PRKAG2: variants seen among roughly 807,000 people sequenced by gnomAD.
The protein encoded by PRKAG2 is protein kinase AMP-activated non-catalytic subunit gamma 2.
PRKAG2 carries 26 observed loss-of-function variants against 69.6 expected under a neutral mutation model. The observed-to-expected ratio is 0.37, with a 90% confidence interval of 0.27 to 0.52. The LOEUF is 0.52. Ranked by LOEUF, PRKAG2 falls within the 20% of genes least tolerant of loss-of-function variation. The pLI is 0.90. For synonymous variants in PRKAG2, 293 were observed against 285.0 expected, an observed-to-expected ratio of 1.03 and a Z score of -0.28; for missense variants, 557 against 740.0, an observed-to-expected ratio of 0.75 and a Z score of 2.87.
chr7:151,694,448 T>G (rs75440011), intron 3 of PRKAG2, among the ~76,000 whole-genome samples: 5,238 of 152,174 alleles, frequency 0.034, 330 homozygotes, highest in African/African-American at 0.12. Flanking sequence ...TAAAAATAAC[T>G]CATTTCTCCC....
intron 12 of PRKAG2, 37 bp from the exon 13 acceptor site, chr7:151,565,420 A>C: frequency 7.9e-7 from 1 of 1,268,110 alleles, no homozygotes. Context: ...AAATGTCTTA[A>C]GGGACAAAAA....
At chr7:151,806,113 C>T (rs530382822) in intron 1 of PRKAG2, among the ~76,000 whole-genome samples, 11 of 152,312 alleles carry the variant, frequency 7.2e-5, no homozygotes, top group African/African-American at 1.4e-4. Context: ...CGCTTGAACC[C>T]GGGAAGCGGA....
At chr7:151,745,073 G>T (rs2074188788) in intron 3 of PRKAG2, among the ~76,000 whole-genome samples, 1 of 152,172 alleles carries the variant, frequency 6.6e-6, no homozygotes, top group Admixed American at 6.5e-5. Context: ...TCATCAGGGG[G>T]CCATCAAGAG....
chr7:151,873,984 TGTATATGTATATGATGTATATGTATAA>T (rs1339197689), intron 1 of PRKAG2, among the ~76,000 whole-genome samples: 12 of 150,264 alleles, frequency 8.0e-5, no homozygotes, highest in African/African-American at 2.2e-4. Context: ...ATGATGTATA[TGTATATGTATATGATGTATATGTATAA>T]GTATATGTAT....
At chr7:151,741,900 T>C (rs529851077) in intron 3 of PRKAG2, among the ~76,000 whole-genome samples, 1 of 152,326 alleles carries the variant, frequency 6.6e-6, no homozygotes, top group South Asian at 2.1e-4. Context: ...TCCTGTCCTC[T>C]AAGAACCATA....
intron 4 of PRKAG2, among the ~76,000 whole-genome samples, chr7:151,671,247 T>C (rs1299684598): frequency 6.6e-6 from 1 of 151,524 alleles, no homozygotes; most frequent in Non-Finnish European, 1.5e-5. Flanking sequence ...TTCCCTATTT[T>C]AGAATAAAAT....
At chr7:151,762,172 C>A (rs1469007535) in intron 3 of PRKAG2, among the ~76,000 whole-genome samples, 1 of 152,090 alleles carries the variant, frequency 6.6e-6, no homozygotes, top group Non-Finnish European at 1.5e-5. Flanking sequence ...ATGGACTTAG[C>A]GGGAGAAGGG....
intron 3 of PRKAG2, among the ~76,000 whole-genome samples, chr7:151,737,621 C>A (rs1158625723): frequency 1.3e-5 from 2 of 152,188 alleles, no homozygotes; most frequent in African/African-American, 4.8e-5. Context: ...AGCGCCCCAG[C>A]AGCTTGCCAC....
chr7:151,679,064 G>A (rs1438217903), intron 3 of PRKAG2, among the ~76,000 whole-genome samples: 1 of 152,108 alleles, frequency 6.6e-6, no homozygotes, highest in Non-Finnish European at 1.5e-5. Context: ...GAGGGAAGAG[G>A]AAGAGTGGGA....
chr7:151,742,927 T>A (rs1350626940), intron 3 of PRKAG2, among the ~76,000 whole-genome samples: 3 of 152,200 alleles, frequency 2.0e-5, no homozygotes, highest in Non-Finnish European at 4.4e-5. Flanking sequence ...GCTGATGCGT[T>A]GGGAGAGATG....
intron 3 of PRKAG2, among the ~76,000 whole-genome samples, chr7:151,692,609 C>A (rs140818993): frequency 2.0e-5 from 3 of 152,098 alleles, no homozygotes; most frequent in African/African-American, 7.2e-5. Context: ...TAACTTATAG[C>A]TAAATAATCC....
chr7:151,814,721 G>C lies in PRKAG2; in HGVS notation c.115-28180C>G. The stretch of plus-strand genomic sequence containing the variant: ...CAACAAGCGGCTGGCAGACAGCATG[G>C]GCTGGCCTAAGACAGCGCAGGCAAC... On this transcript the variant is annotated intron_variant, in intron 1 of 15. Transcript: ENST00000287878. This position sits in a 1 kb window ranked among gnomAD's most constrained non-coding sequence, Gnocchi z 4.8. 1 of 1,231,802 alleles carries C rather than the reference G, an allele frequency of 8.1e-7. No homozygotes were observed. Among genetic ancestry groups the C allele is most frequent in the Non-Finnish European group, 1.0e-6 (1 of 987,996 alleles). The allele number at this position is 1,231,802 out of a possible 1,614,324, so 76.3% of individuals were successfully genotyped here.
intron 1 of PRKAG2, among the ~76,000 whole-genome samples, chr7:151,822,842 C>A (rs866473884): frequency 6.7e-6 from 1 of 149,124 alleles, no homozygotes; most frequent in African/African-American, 2.4e-5. Context: ...CCTCCCTCCC[C>A]ACAAAAGGTT....
chr7:151,809,277 C>T, intron 1 of PRKAG2: 1 of 456,702 alleles, frequency 2.2e-6, no homozygotes, highest in Non-Finnish European at 4.4e-6. Flanking sequence ...CCGGCCCCTT[C>T]CCACACACCC....
At chr7:151,684,795 C>G (rs529805428) in intron 3 of PRKAG2, among the ~76,000 whole-genome samples, 11 of 152,166 alleles carry the variant, frequency 7.2e-5, no homozygotes, top group Non-Finnish European at 1.5e-4. Context: ...CTCCTCCAGG[C>G]AGTCCTGGCC....
intron 10 of PRKAG2, 111 bp downstream of exon 10, chr7:151,570,060 C>CA: frequency 7.8e-7 from 1 of 1,277,056 alleles, no homozygotes; most frequent in Non-Finnish European, 1.1e-6. Flanking sequence ...ATTAAGGAGG[C>CA]AGGCCCTGTT....
At chr7:151,843,053 T>A (rs960153551) in intron 1 of PRKAG2, among the ~76,000 whole-genome samples, 5 of 151,986 alleles carry the variant, frequency 3.3e-5, no homozygotes, top group Non-Finnish European at 7.4e-5. Context: ...AAGACACACA[T>A]ACACGCAGGC....
Position 151,814,448 on chromosome 7 carries a change from C to G in PRKAG2, c.115-27907G>C. The stretch of plus-strand genomic sequence containing the variant: ...CAAGGGGTCCTGGAGGTCTTCTCTT[C>G]CAGATGCTAATAAGCAGTGCAGGCT... On this transcript the variant is annotated intron_variant, in intron 1 of 15. Coordinates refer to ENST00000287878, the MANE Select transcript of PRKAG2 (RefSeq NM_016203.4). The surrounding 1 kb of genome is among the most constrained non-coding windows in gnomAD (Gnocchi z 4.8). The G allele has an allele frequency of 2.4e-6, 3 of 1,229,960 alleles. No individual in the cohort carries two copies. The highest frequency in any genetic ancestry group is 3.0e-6 in the Non-Finnish European group (3 of 987,384). 76.2% of individuals were successfully genotyped at this position (1,229,960 alleles called of 1,614,324 possible).
At chr7:151,765,157 G>A (rs2075664719) in intron 3 of PRKAG2, among the ~76,000 whole-genome samples, 1 of 152,178 alleles carries the variant, frequency 6.6e-6, no homozygotes, top group Admixed American at 6.5e-5. Flanking sequence ...GGTAACTTAT[G>A]CAGAAAAAAA....
Sources: gnomAD v4.1 joint callset for allele counts (sites outside exome capture counted in the v4.1 genomes callset) on GRCh38, gnomAD v4.1.1 for gene constraint, Gnocchi (gnomAD v3.1) non-coding constraint, MANE v1.5 for transcripts, NCBI Gene and HGNC (gene_info 2026-07-23, HGNC 2026-07-21) for gene names.